APOL2: variants seen among roughly 807,000 people sequenced by gnomAD.
The protein encoded by APOL2 is apolipoprotein L, 2.
A neutral mutation model predicts 7.1 loss-of-function variants in APOL2; 8 were observed. The observed-to-expected ratio is 1.12, with a 90% confidence interval of 0.66 to 2.03. APOL2 has a LOEUF of 2.03. APOL2 is among the 30% of genes most tolerant of loss of function. The pLI is 0.00. For synonymous variants in APOL2, 177 were observed against 159.9 expected (o/e 1.11, Z -0.81); for missense variants, 471 against 415.1 (o/e 1.13, Z -1.17).
In APOL2 at chr22:36,226,670, G is replaced by T. The variant is rs1464715361; in HGVS notation, c.*734C>A. On this transcript the variant is annotated 3_prime_UTR_variant, in exon 5 of 5. Transcript: ENST00000358502. ...TGGAAGGACATCAAACCTGGGGGGG[G>T]GTCGGTAGTGGAGCTGCTGTTTCTT... The T allele has an allele frequency of 1.3e-5, 2 of 153,622 alleles. No homozygotes were observed. The highest frequency in any genetic ancestry group is 2.9e-5 in the Non-Finnish European group (2 of 69,254). The allele number at this position is 153,622 out of a possible 1,614,324, so 9.5% of individuals were successfully genotyped here.
At position 36,227,849 on chromosome 22, in the gene APOL2, T is replaced by G; in HGVS notation, c.569A>C (p.Asn190Thr). 6.2e-7 allele frequency: 1 copy of G among 1,614,208 alleles called. No individual in the cohort carries two copies. The highest frequency in any genetic ancestry group is 8.5e-7 in the Non-Finnish European group (1 of 1,180,034). Reference sequence around the variant, plus strand: ...AAACTCCTTCATCACCTTTGCTACATTGGTGCCGCTTTGGTCCAAGTTGCG... The same window carrying G: ...AAACTCCTTCATCACCTTTGCTACAGTGGTGCCGCTTTGGTCCAAGTTGCG... ...QARNLDQSGTNVAKVMKEFVG... is the reference protein window; with the variant it reads ...QARNLDQSGTTVAKVMKEFVG... Residue 190 changes from asparagine (N) to threonine (T), a missense_variant, in exon 5 of 5, where the codon AAT (asparagine) becomes ACT (threonine). Asn to Thr is a moderately conservative substitution (Grantham distance 65). Coordinates refer to ENST00000358502, the MANE Select transcript of APOL2 (RefSeq NM_030882.4).
Position 36,228,056 on chromosome 22 carries a change from T to C in APOL2, c.362A>G (p.Asn121Ser), listed in dbSNP as rs762083677. The part of the protein sequence containing the change: ...RGTTIANVVS[N>S]SVGTTSGILT... ...GATGCCAGAGGTAGTGCCAACAGAGTTGGACACCACATTGGCAATGGTGGT... is the reference window on the plus strand; with the variant it reads ...GATGCCAGAGGTAGTGCCAACAGAGCTGGACACCACATTGGCAATGGTGGT... The change falls in exon 5 of 5, where the codon AAC becomes AGC. Residue 121 changes from asparagine to serine, a missense_variant. Coordinates refer to ENST00000358502, the MANE Select transcript of APOL2 (RefSeq NM_030882.4). The C allele has an allele frequency of 6.8e-5, 109 of 1,614,024 alleles. 1 individual carries two copies. In the Admixed American group the frequency reaches 1.5e-3, roughly 23 times the overall value.
At chr22:36,236,942 C>T in intron 1 of APOL2, 1 of 1,322,576 alleles carries the variant, frequency 7.6e-7, no homozygotes, top group Non-Finnish European at 9.7e-7. Context: ...CTGCTTTGTT[C>T]ACTCTGTGAC....
At chr22:36,234,176 A>G (rs957703683) in intron 1 of APOL2, 6 of 152,236 alleles carry the variant, frequency 3.9e-5, no homozygotes, top group African/African-American at 1.4e-4. Context: ...TTTCCTTAAG[A>G]TACTTTTAAG....
rs1041568115 is a variant in APOL2, at chr22:36,238,869, G to A, written c.-134+572C>T. 2.6e-5 allele frequency among the ~76,000 whole-genome samples: 4 copies of A among 152,186 alleles called. No homozygotes were observed. In the South Asian group the frequency reaches 8.3e-4, roughly 32 times the overall value. On this transcript the variant is annotated intron_variant, in intron 1 of 4. Coordinates refer to ENST00000358502, the MANE Select transcript of APOL2 (RefSeq NM_030882.4). ...CTCAGCCTCCTGACACGGGACCCTG[G>A]CAAGTCATTCCCCTCCCAGGGCCTC...
Position 36,228,241 on chromosome 22 carries a change from A to G in APOL2, c.177T>C (p.Leu59=). The G allele has an allele frequency of 6.2e-7, 1 of 1,614,138 alleles. No individual in the cohort carries two copies. The highest frequency in any genetic ancestry group is 1.7e-5 in the Admixed American group (1 of 60,022). ...TGTCCTTCATGACCATGTGACTTGCAAGCTTGTTCAGAGCTTTACGGAGCT... is the reference window on the plus strand; with the variant it reads ...TGTCCTTCATGACCATGTGACTTGCGAGCTTGTTCAGAGCTTTACGGAGCT... ...ADELRKALNK[L]ASHMVMKDKN... is the part of the protein sequence containing the mutation. Residue 59 remains leucine, a synonymous_variant, in exon 5 of 5, where the codon CTT becomes CTC. Transcript: ENST00000358502.
intron 3 of APOL2, among the ~76,000 whole-genome samples, chr22:36,231,748 C>T (rs2015233153): frequency 2.0e-5 from 3 of 152,170 alleles, no homozygotes; most frequent in Admixed American, 2.0e-4. Flanking sequence ...GGCTAGTGTC[C>T]TATTGTAAGA....
intron 1 of APOL2, 109 bp downstream of exon 1, chr22:36,239,332 C>G: frequency 1.5e-6 from 2 of 1,346,216 alleles, no homozygotes; most frequent in Non-Finnish European, 2.0e-6. Context: ...TGATCTGAAC[C>G]AGCTACCTAA....
At chr22:36,239,148 G>T in intron 1 of APOL2, 7 of 1,216,976 alleles carry the variant, frequency 5.8e-6, no homozygotes, top group Non-Finnish European at 7.2e-6. Flanking sequence ...TTCTTCTGGG[G>T]TCAGCTGGCC....
At chr22:36,239,889 G>T (rs544329109), upstream of APOL2, 4 of 231,548 alleles carry the variant, frequency 1.7e-5, no homozygotes, top group South Asian at 1.3e-4. Context: ...CACAGCAGGT[G>T]GGGGAGAGAA....
chr22:36,239,410 A>T, intron 1 of APOL2, 31 bp downstream of exon 1: 1 of 1,519,534 alleles, frequency 6.6e-7, no homozygotes, highest in Non-Finnish European at 8.8e-7. Flanking sequence ...GAATAAGGAC[A>T]TGGGGGTAGA....
Position 36,239,432 on chromosome 22 carries a change from C to T in APOL2, c.-134+9G>A, listed in dbSNP as rs1032103419. 3.9e-6 allele frequency: 6 copies of T among 1,543,946 alleles called. No homozygotes were observed. The African/African-American group carries it at 6.8e-5, about 18-fold the overall frequency. ...GACATGGGGGTAGATCACACTATCC[C>T]CAACTTACCAAGGGATCTTCCTCTG... On this transcript the variant is annotated intron_variant, in intron 1 of 4. Transcript: ENST00000358502.
At chr22:36,236,496 G>T in intron 1 of APOL2, 1 of 922,300 alleles carries the variant, frequency 1.1e-6, no homozygotes, top group Non-Finnish European at 1.3e-6. Context: ...CAAACAAGAT[G>T]AAAATGACTA....
chr22:36,231,262 T>C, intron 4 of APOL2, 78 bp downstream of exon 4: 1 of 1,558,748 alleles, frequency 6.4e-7, no homozygotes, highest in East Asian at 2.3e-5. Context: ...GAGGTGTGCC[T>C]GTCAGGGACA....
chr22:36,231,278 C>A (rs543513641), intron 4 of APOL2, 62 bp downstream of exon 4: 2 of 1,593,690 alleles, frequency 1.3e-6, no homozygotes, highest in Non-Finnish European at 8.6e-7. Flanking sequence ...GGACAACCAG[C>A]CCAGGGGAGA....
At chr22:36,238,850 C>T (rs1001801906) in intron 1 of APOL2, among the ~76,000 whole-genome samples, 8 of 152,222 alleles carry the variant, frequency 5.3e-5, no homozygotes, top group African/African-American at 1.9e-4. Flanking sequence ...CCTGCTCAGC[C>T]TCCTGACACG....
intron 1 of APOL2, among the ~76,000 whole-genome samples, chr22:36,234,876 T>C (rs935113886): frequency 1.3e-5 from 2 of 152,198 alleles, no homozygotes; most frequent in Non-Finnish European, 2.9e-5. Context: ...GCTCAGAATC[T>C]ACTACGTGGT....
rs1556619178 is a variant in APOL2, at chr22:36,226,664, G to GGA, written c.*739_*740insTC. 1.3e-5 allele frequency: 2 copies of GGA among 153,356 alleles called. No homozygotes were observed. The highest frequency in any genetic ancestry group is 4.8e-5 in the African/African-American group (2 of 41,250). 9.5% of individuals were successfully genotyped at this position (153,356 alleles called of 1,614,324 possible). On this transcript the variant is annotated 3_prime_UTR_variant, in exon 5 of 5. Transcript: ENST00000358502. The stretch of plus-strand genomic sequence containing the variant: ...TATTCTTGGAAGGACATCAAACCTG[G>GGA]GGGGGGGTCGGTAGTGGAGCTGCTG...
chr22:36,239,113 A>T, intron 1 of APOL2: 1 of 1,176,486 alleles, frequency 8.5e-7, no homozygotes, highest in Non-Finnish European at 1.1e-6. Context: ...TTTCCCAAAG[A>T]GATGGGCACC....
Sources: gnomAD v4.1 joint callset for allele counts (sites outside exome capture counted in the v4.1 genomes callset) on GRCh38, gnomAD v4.1.1 for gene constraint, MANE v1.5 for transcripts, NCBI Gene and HGNC (gene_info 2026-07-23, HGNC 2026-07-21) for gene names.